Variants in C3orf20 observed in about 807,000 individuals in gnomAD.
The protein encoded by C3orf20 is family with sequence similarity 149 member C, also known as uncharacterized protein C3orf20.
C3orf20 carries 76 observed loss-of-function variants against 88.3 expected under a neutral mutation model. The observed-to-expected ratio is 0.86, with a 90% confidence interval of 0.72 to 1.04. The LOEUF (loss-of-function observed/expected upper bound fraction) is 1.04, where lower values mean the gene tolerates loss of function less well. C3orf20 is among the 50% of genes least tolerant of loss of function. C3orf20 has a pLI of 0.00. For synonymous variants in C3orf20, 436 were observed against 437.4 expected, an observed-to-expected ratio of 1.00 and a Z score of 0.04; for missense variants, 1,056 against 1,123.3, an observed-to-expected ratio of 0.94 and a Z score of 0.86.
At chr3:14,771,661 C>A (rs2035861026) in intron 15 of C3orf20, among the ~76,000 whole-genome samples, 1 of 152,222 alleles carries the variant, frequency 6.6e-6, no homozygotes, top group African/African-American at 2.4e-5. Flanking sequence ...CCAAATAAGG[C>A]CACGTTCCGG....
intron 7 of C3orf20, 101 bp from the exon 8 acceptor site, chr3:14,713,906 C>T (rs879067405): frequency 7.6e-7 from 1 of 1,311,510 alleles, no homozygotes; most frequent in Admixed American, 2.2e-5. Flanking sequence ...GAATGATGCA[C>T]CAAATAGCTA....
chr3:14,766,111 C>T (rs76173061), intron 15 of C3orf20, among the ~76,000 whole-genome samples: 144 of 152,250 alleles, frequency 9.5e-4, no homozygotes, highest in African/African-American at 3.2e-3. Flanking sequence ...CAGCCCAGCT[C>T]GGGGCCAGGA....
At chr3:14,758,270 TG>T (rs2035445213) in intron 13 of C3orf20, among the ~76,000 whole-genome samples, 1 of 151,246 alleles carries the variant, frequency 6.6e-6, no homozygotes, top group Admixed American at 6.6e-5. Context: ...AATGGGGTTT[TG>T]GCAGGTGATT....
In C3orf20 at chr3:14,761,743, G is replaced by A. The variant is rs923745960; in HGVS notation, c.2495+128G>A. The A allele has an allele frequency of 8.6e-6, 7 of 814,146 alleles. No individual in the cohort carries two copies. In the Admixed American group the frequency reaches 9.2e-5, roughly 11 times the overall value. The allele number at this position is 814,146 out of a possible 1,614,324, so 50.4% of individuals were successfully genotyped here. A position where few individuals can be genotyped will look rare whatever the true frequency, so the allele number is the denominator to read the frequency against. ...CTGAAGGGATGGAGTGGGGAGGGGG[G>A]CTGGAGGTGGGAAGCCTCCACCTGT... On this transcript the variant is annotated intron_variant, in intron 15 of 16. Transcript: ENST00000253697.
intron 11 of C3orf20, among the ~76,000 whole-genome samples, 179 bp downstream of exon 11, chr3:14,727,203 G>A (rs1257320790): frequency 6.6e-6 from 1 of 152,138 alleles, no homozygotes; most frequent in Non-Finnish European, 1.5e-5. Flanking sequence ...CTGGGCTCAG[G>A]TCACTTAAGG....
Position 14,757,650 on chromosome 3 carries a change from G to A in C3orf20, c.2220G>A (p.Arg740=), listed in dbSNP as rs560832474. The A allele has an allele frequency of 2.5e-6, 4 of 1,610,446 alleles. No individual in the cohort carries two copies. The highest frequency in any genetic ancestry group is 3.4e-6 in the Non-Finnish European group (4 of 1,177,280). Residue 740 remains arginine, a synonymous_variant, in exon 13 of 17, where the codon CGG becomes CGA. Transcript: ENST00000253697. ...ACACTCTCTACAACCACCAGCAGCG[G>A]GGCCGTGGCTCCCCCTGCATCCAGG... is the stretch of plus-strand genomic sequence containing the variant. ...LLNTLYNHQQ[R]GRGSPCIQCR... is the part of the protein sequence containing the mutation.
chr3:14,760,017 G>C lies in C3orf20; in HGVS notation c.2352+19G>C. The C allele has an allele frequency of 1.3e-6, 2 of 1,576,124 alleles. No individual in the cohort carries two copies. Among genetic ancestry groups the C allele is most frequent in the Non-Finnish European group, 8.7e-7 (1 of 1,146,008 alleles). ...GATTCTGGTGAGCCAGCAGGGACTTGCTATCCACTGCCTGCCACCCCAGCC... is the reference window on the plus strand; with the variant it reads ...GATTCTGGTGAGCCAGCAGGGACTTCCTATCCACTGCCTGCCACCCCAGCC... On this transcript the variant is annotated intron_variant, in intron 14 of 16. Coordinates refer to ENST00000253697, the MANE Select transcript of C3orf20 (RefSeq NM_032137.5).
intron 11 of C3orf20, 119 bp from the exon 12 acceptor site, chr3:14,728,320 G>T: frequency 8.3e-7 from 1 of 1,201,548 alleles, no homozygotes; most frequent in South Asian, 1.4e-5. Flanking sequence ...GAATCAATGA[G>T]AGCGGAGGGG....
chr3:14,702,577 A>C (rs1264635116), intron 5 of C3orf20, among the ~76,000 whole-genome samples: 1 of 151,902 alleles, frequency 6.6e-6, no homozygotes, highest in Non-Finnish European at 1.5e-5. Context: ...AGTAGCTGGA[A>C]CTACAGGTGC....
chr3:14,720,242 G>A (rs940955186), intron 9 of C3orf20, among the ~76,000 whole-genome samples: 2 of 152,142 alleles, frequency 1.3e-5, no homozygotes, highest in Non-Finnish European at 2.9e-5. Context: ...GTATTAGCCA[G>A]GATGGTCTCG....
At chr3:14,676,255 A>G (rs2031766261) in intron 1 of C3orf20, among the ~76,000 whole-genome samples, 1 of 152,060 alleles carries the variant, frequency 6.6e-6, no homozygotes, top group Admixed American at 6.5e-5. Flanking sequence ...CCTTGCTCCC[A>G]GCCCAGGTCT....
In C3orf20 at chr3:14,772,936, C is replaced by A; in HGVS notation, c.*61C>A. 1.5e-6 allele frequency: 2 copies of A among 1,300,594 alleles called. No individual in the cohort carries two copies. The highest frequency in any genetic ancestry group is 2.2e-6 in the Non-Finnish European group (2 of 898,474). The allele number at this position is 1,300,594 out of a possible 1,614,324, so 80.6% of individuals were successfully genotyped here. On this transcript the variant is annotated 3_prime_UTR_variant, in exon 17 of 17. Coordinates refer to ENST00000253697, the MANE Select transcript of C3orf20 (RefSeq NM_032137.5). This position sits in a 1 kb window ranked among gnomAD's most constrained non-coding sequence, Gnocchi z 4.2. ...GGCCCGGGGTGCTGGGGCTTCTTGC[C>A]AGCCCAGCCCTGCCTCCCCGGTCTC... is the stretch of plus-strand genomic sequence containing the variant.
chr3:14,708,877 T>C (rs1216017616), intron 7 of C3orf20, among the ~76,000 whole-genome samples: 2 of 152,032 alleles, frequency 1.3e-5, no homozygotes, highest in South Asian at 4.1e-4. Context: ...CTCCCGACCT[T>C]GAGTGATCCG....
At chr3:14,697,405 C>T (rs191132012) in intron 5 of C3orf20, among the ~76,000 whole-genome samples, 204 of 151,902 alleles carry the variant, frequency 1.3e-3, no homozygotes, top group East Asian at 7.2e-3. Flanking sequence ...CCAAAGAGGC[C>T]GTCTTCAAGC....
At chr3:14,722,590 C>T (rs895930179) in intron 10 of C3orf20, 1 of 456,386 alleles carries the variant, frequency 2.2e-6, no homozygotes, top group Admixed American at 2.3e-5. Flanking sequence ...TCTCCCTCTG[C>T]TCAGCCCCCC....
At chr3:14,765,615 G>A (rs1282280355) in intron 15 of C3orf20, 1 of 152,516 alleles carries the variant, frequency 6.6e-6, no homozygotes, top group Non-Finnish European at 1.5e-5. Flanking sequence ...GTGTTGGGGG[G>A]GAGTCCAGGA....
intron 5 of C3orf20, among the ~76,000 whole-genome samples, chr3:14,691,209 G>A (rs1017701345): frequency 1.3e-5 from 2 of 152,210 alleles, no homozygotes; most frequent in Admixed American, 1.3e-4. Flanking sequence ...AGCTTCAGCG[G>A]CCGCCACACC....
In C3orf20 at chr3:14,742,561, T is replaced by G. The variant is rs1192954049; in HGVS notation, c.1940+13873T>G. On this transcript the variant is annotated intron_variant, in intron 12 of 16. Coordinates refer to ENST00000253697, the MANE Select transcript of C3orf20 (RefSeq NM_032137.5). ...TTCATAGAACCTAGTCCTAAAATCC[T>G]GAGAAAGTTATGAGAATTGGCCTCT... is the stretch of plus-strand genomic sequence containing the variant. Among the ~76,000 whole-genome samples, 2 of 152,218 alleles carry G rather than the reference T, an allele frequency of 1.3e-5. 1 individual carries two copies. Among genetic ancestry groups the G allele is most frequent in the Non-Finnish European group, 2.9e-5 (2 of 68,030 alleles).
chr3:14,727,851 A>G (rs1198723487), intron 11 of C3orf20, among the ~76,000 whole-genome samples: 2 of 152,220 alleles, frequency 1.3e-5, no homozygotes, highest in East Asian at 3.9e-4. Context: ...CATTGTGACT[A>G]TGTCCCCCAT....
Sources: allele counts gnomAD v4.1 joint callset (sites outside exome capture counted in the v4.1 genomes callset), GRCh38; gene constraint gnomAD v4.1.1; non-coding constraint Gnocchi (gnomAD v3.1); transcripts MANE v1.5; gene names NCBI Gene and HGNC (gene_info 2026-07-23, HGNC 2026-07-21).